The following FSTL5 variants were observed in gnomAD, a reference collection of about 807,000 sequenced individuals.
FSTL5 encodes the protein follistatin-related protein 5.
FSTL5 carries 62 observed loss-of-function variants against 89.1 expected under a neutral mutation model. The observed-to-expected ratio is 0.70, with a 90% CI of 0.57 to 0.86. The LOEUF (loss-of-function observed/expected upper bound fraction) is 0.86. Ranked by LOEUF, FSTL5 falls within the 40% of genes least tolerant of loss-of-function variation. The pLI is 0.00. For missense variants in FSTL5, 1,057 were observed against 1,001.6 expected, an observed-to-expected ratio of 1.06 and a Z score of -0.75; for synonymous variants, 383 against 346.2, an observed-to-expected ratio of 1.11 and a Z score of -1.18.
intron 2 of FSTL5, among the ~76,000 whole-genome samples, chr4:162,076,658 T>C (rs1010209324): frequency 7.9e-5 from 12 of 151,762 alleles, no homozygotes; most frequent in African/African-American, 2.9e-4. Flanking sequence ...TCCAACATTG[T>C]GATGAGAAAG....
chr4:161,822,190 A>T (rs986765798), intron 4 of FSTL5, among the ~76,000 whole-genome samples: 1 of 152,120 alleles, frequency 6.6e-6, no homozygotes, highest in Non-Finnish European at 1.5e-5. Context: ...AGTGATGTTG[A>T]GCATTTTTTC....
chr4:161,670,818 C>A (rs1737074833), intron 6 of FSTL5, among the ~76,000 whole-genome samples: 1 of 152,174 alleles, frequency 6.6e-6, no homozygotes, highest in Admixed American at 6.6e-5. Flanking sequence ...ACAAATTTAA[C>A]AATTCATCCA....
intron 13 of FSTL5, among the ~76,000 whole-genome samples, chr4:161,464,319 C>T (rs1345420190): frequency 6.6e-6 from 1 of 152,120 alleles, no homozygotes; most frequent in East Asian, 1.9e-4. Flanking sequence ...TTTGGAGGGT[C>T]TTTCCTTGAA....
chr4:161,486,612 T>C (rs1013524430), intron 12 of FSTL5, among the ~76,000 whole-genome samples: 1 of 151,244 alleles, frequency 6.6e-6, no homozygotes, highest in African/African-American at 2.4e-5. Flanking sequence ...CCTACCCACT[T>C]GTTGTAACTG....
chr4:161,548,883 T>G (rs897366875), intron 8 of FSTL5, among the ~76,000 whole-genome samples: 1 of 151,816 alleles, frequency 6.6e-6, no homozygotes, highest in Non-Finnish European at 1.5e-5. Flanking sequence ...AACAAATGGT[T>G]TAGACATTTT....
At chr4:161,986,653 T>C (rs1349147148) in intron 3 of FSTL5, among the ~76,000 whole-genome samples, 1 of 152,240 alleles carries the variant, frequency 6.6e-6, no homozygotes, top group Admixed American at 6.5e-5. Flanking sequence ...ATTATTTAAA[T>C]ATTAGTTTCT....
At chr4:162,139,434 A>C (rs1732641189) in intron 1 of FSTL5, among the ~76,000 whole-genome samples, 1 of 150,668 alleles carries the variant, frequency 6.6e-6, no homozygotes, top group African/African-American at 2.4e-5. Context: ...AAGACATATC[A>C]TGAAAGTATA....
chr4:161,437,309 G>T (rs1037250362), intron 15 of FSTL5, among the ~76,000 whole-genome samples: 9 of 152,086 alleles, frequency 5.9e-5, no homozygotes, highest in Non-Finnish European at 1.3e-4. Context: ...GCTCACGCCT[G>T]TAATCCCAGC....
chr4:162,047,827 A>G (rs571399918), intron 2 of FSTL5, among the ~76,000 whole-genome samples: 2 of 152,214 alleles, frequency 1.3e-5, no homozygotes, highest in South Asian at 2.1e-4. Context: ...CTCCATCTCA[A>G]AAACAAAAAC....
chr4:161,506,324 C>T (rs1341908217), intron 11 of FSTL5, among the ~76,000 whole-genome samples: 1 of 136,894 alleles, frequency 7.3e-6, no homozygotes, highest in East Asian at 2.1e-4. Context: ...CCTCCCTCTT[C>T]GGCCCCCCAA....
At chr4:162,066,206 C>T (rs894391885) in intron 2 of FSTL5, among the ~76,000 whole-genome samples, 4 of 150,862 alleles carry the variant, frequency 2.7e-5, no homozygotes, top group Non-Finnish European at 5.9e-5. Context: ...TTTTTGTATG[C>T]TTGTTTGTCA....
intron 2 of FSTL5, among the ~76,000 whole-genome samples, chr4:162,036,238 T>C (rs115503285): frequency 6.6e-6 from 1 of 152,258 alleles, no homozygotes; most frequent in African/African-American, 2.4e-5. Flanking sequence ...GGATTTCTAA[T>C]AACATGGCCT....
At chr4:161,484,270 G>A (rs80187221) in intron 12 of FSTL5, among the ~76,000 whole-genome samples, 4,941 of 151,786 alleles carry the variant, frequency 0.033, 231 homozygotes, top group African/African-American at 0.11. Flanking sequence ...CAGGTCATCC[G>A]GCATCATTCC....
intron 3 of FSTL5, among the ~76,000 whole-genome samples, chr4:162,026,158 C>G (rs772172386): frequency 2.0e-5 from 3 of 151,696 alleles, no homozygotes; most frequent in Non-Finnish European, 4.4e-5. Flanking sequence ...AAGAGCTGCT[C>G]TTTCATAAAG....
At chr4:161,480,052 C>G (rs963530355) in intron 13 of FSTL5, among the ~76,000 whole-genome samples, 5 of 152,130 alleles carry the variant, frequency 3.3e-5, no homozygotes, top group Non-Finnish European at 7.4e-5. Flanking sequence ...TTTTGTAGTG[C>G]TAGACAGAAA....
intron 6 of FSTL5, among the ~76,000 whole-genome samples, chr4:161,711,983 C>T (rs1171867032): frequency 6.6e-6 from 1 of 152,140 alleles, no homozygotes; most frequent in Non-Finnish European, 1.5e-5. Context: ...CTAAACCTGA[C>T]AAAGGTCGTC....
At chr4:161,404,530 A>G (rs73859977) in intron 15 of FSTL5, among the ~76,000 whole-genome samples, 130 of 152,296 alleles carry the variant, frequency 8.5e-4, no homozygotes, top group African/African-American at 3.0e-3. Context: ...CATAGGGCCA[A>G]TCCTGTGTTG....
At chr4:161,471,440 T>C (rs1410924334) in intron 13 of FSTL5, among the ~76,000 whole-genome samples, 1 of 152,236 alleles carries the variant, frequency 6.6e-6, no homozygotes, top group African/African-American at 2.4e-5. Context: ...TATGTGCTGC[T>C]GAACTTGGTT....
chr4:161,708,932 C>T (rs145727862), intron 6 of FSTL5, among the ~76,000 whole-genome samples: 133 of 152,254 alleles, frequency 8.7e-4, no homozygotes, highest in African/African-American at 3.1e-3. Flanking sequence ...TAAAATGTCA[C>T]TAATTTGATA....
Sources: gnomAD v4.1 joint callset for allele counts (sites outside exome capture counted in the v4.1 genomes callset) on GRCh38, gnomAD v4.1.1 for gene constraint, MANE v1.5 for transcripts, NCBI Gene and HGNC (gene_info 2026-07-23, HGNC 2026-07-21) for gene names.